Variants in INPP4B observed in about 807,000 individuals in gnomAD.
INPP4B encodes the protein inositol polyphosphate-4-phosphatase type II B, also known as inositol polyphosphate 4-phosphatase type II.
INPP4B carries 55 observed loss-of-function variants against 122.5 expected under a neutral mutation model. That is an observed-to-expected ratio of 0.45 (90% CI 0.36 to 0.56). The LOEUF is 0.56. Ranked by LOEUF, INPP4B falls within the 20% of genes least tolerant of loss-of-function variation. The pLI is 0.00. For synonymous variants in INPP4B, 403 were observed against 388.7 expected (o/e 1.04, Z -0.43); for missense variants, 1,000 against 1,097.7 (o/e 0.91, Z 1.26).
At chr4:142,356,775 G>A (rs1337799187) in intron 7 of INPP4B, among the ~76,000 whole-genome samples, 1 of 151,810 alleles carries the variant, frequency 6.6e-6, no homozygotes. Context: ...CTAATGAGGT[G>A]ACTCTTGGTG....
intron 9 of INPP4B, among the ~76,000 whole-genome samples, chr4:142,299,460 C>T (rs10002445): frequency 0.096 from 14,453 of 151,258 alleles, 714 homozygotes; most frequent in South Asian, 0.17. Flanking sequence ...CGGCCTTGTT[C>T]ACTTTCAAAG....
intron 7 of INPP4B, among the ~76,000 whole-genome samples, chr4:142,397,962 T>G (rs1799898733): frequency 1.3e-5 from 2 of 152,086 alleles, no homozygotes. Context: ...TACCATAACA[T>G]AGCCTAGAAA....
chr4:142,193,815 C>CA (rs1024218010), intron 14 of INPP4B, among the ~76,000 whole-genome samples: 2 of 151,910 alleles, frequency 1.3e-5, no homozygotes, highest in African/African-American at 2.4e-5. Flanking sequence ...GTTTTTATAA[C>CA]AAAAAATCCA....
At chr4:142,086,056 C>T in intron 24 of INPP4B, 88 bp downstream of exon 24, 3 of 855,716 alleles carry the variant, frequency 3.5e-6, no homozygotes, top group Non-Finnish European at 5.8e-6. Flanking sequence ...ACCCAAAGTG[C>T]AGAGGTTGGA....
At chr4:142,563,296 A>T (rs2150128501) in intron 2 of INPP4B, among the ~76,000 whole-genome samples, 1 of 152,322 alleles carries the variant, frequency 6.6e-6, no homozygotes, top group Non-Finnish European at 1.5e-5. Flanking sequence ...TGTTGGCTTC[A>T]TTTTAAGATG....
intron 18 of INPP4B, among the ~76,000 whole-genome samples, chr4:142,126,645 G>C (rs1319281981): frequency 1.3e-5 from 2 of 152,094 alleles, no homozygotes; most frequent in Non-Finnish European, 2.9e-5. Flanking sequence ...ATTAATGCAT[G>C]ATCATTTAAT....
chr4:142,447,228 G>A (rs191994860), intron 3 of INPP4B, among the ~76,000 whole-genome samples: 4 of 152,188 alleles, frequency 2.6e-5, no homozygotes, highest in Admixed American at 2.6e-4. Flanking sequence ...GATTTGTGGG[G>A]GCCTCAGTCT....
intron 2 of INPP4B, among the ~76,000 whole-genome samples, chr4:142,517,939 T>C (rs1825615553): frequency 1.3e-5 from 2 of 152,220 alleles, no homozygotes; most frequent in South Asian, 4.1e-4. Flanking sequence ...GTGAAATGTA[T>C]GTAGAGGTAA....
chr4:142,323,128 C>T (rs1770754135), intron 7 of INPP4B, among the ~76,000 whole-genome samples: 1 of 152,204 alleles, frequency 6.6e-6, no homozygotes, highest in South Asian at 2.1e-4. Flanking sequence ...GGCCCTCAGA[C>T]ATTTTTAGGA....
chr4:142,107,530 GC>G (rs1479400348), intron 23 of INPP4B, among the ~76,000 whole-genome samples: 1 of 152,046 alleles, frequency 6.6e-6, no homozygotes, highest in Non-Finnish European at 1.5e-5. Context: ...TTGGACAATG[GC>G]CCCCTCCAAA....
chr4:142,036,051 C>T (rs1427194797), intron 25 of INPP4B, among the ~76,000 whole-genome samples: 1 of 152,110 alleles, frequency 6.6e-6, no homozygotes, highest in Non-Finnish European at 1.5e-5. Context: ...CCACCCTCCC[C>T]TCCTTCCCTC....
chr4:142,590,126 C>T (rs147577942), intron 2 of INPP4B, among the ~76,000 whole-genome samples: 103 of 152,158 alleles, frequency 6.8e-4, no homozygotes, highest in Middle Eastern at 3.4e-3. Flanking sequence ...AGGACTGAAT[C>T]GGTGAAGCAC....
intron 17 of INPP4B, among the ~76,000 whole-genome samples, chr4:142,151,038 A>G (rs946006057): frequency 3.3e-5 from 5 of 152,200 alleles, no homozygotes; most frequent in African/African-American, 1.2e-4. Flanking sequence ...AGAAACAGTC[A>G]GTGAATTAAC....
intron 21 of INPP4B, 98 bp downstream of exon 21, chr4:142,122,030 A>T: frequency 1.3e-6 from 1 of 752,828 alleles, no homozygotes; most frequent in Non-Finnish European, 2.2e-6. Context: ...CAAAAGAAAT[A>T]TTCCCAAATC....
At chr4:142,080,890 A>T (rs1773578423) in intron 25 of INPP4B, among the ~76,000 whole-genome samples, 1 of 152,144 alleles carries the variant, frequency 6.6e-6, no homozygotes, top group Non-Finnish European at 1.5e-5. Flanking sequence ...GTATTTTACC[A>T]TTAGTGCTGA....
chr4:142,059,322 T>G (rs1165748948), intron 25 of INPP4B, among the ~76,000 whole-genome samples: 1 of 152,114 alleles, frequency 6.6e-6, no homozygotes, highest in Non-Finnish European at 1.5e-5. Flanking sequence ...CCCCTGACAG[T>G]GCCCCATACT....
At chr4:142,838,532 C>T (rs558922844) in intron 1 of INPP4B, among the ~76,000 whole-genome samples, 4 of 151,248 alleles carry the variant, frequency 2.6e-5, no homozygotes, top group Admixed American at 6.6e-5. Flanking sequence ...TAAAACATAC[C>T]GTATGAAAAA....
chr4:142,087,561 A>C lies in INPP4B; in HGVS notation c.2375-1305T>G, dbSNP rs1014394212. 2.6e-5 allele frequency among the ~76,000 whole-genome samples: 4 copies of C among 152,158 alleles called. No individual in the cohort carries two copies. The East Asian group carries it at 7.7e-4, about 29-fold the overall frequency. ...TGTTGAATCCATAAACTGAGAGATA[A>C]ATTCCTGAGAGCTTTAACTGAGGCT... On this transcript the variant is annotated intron_variant, in intron 23 of 25. Coordinates refer to ENST00000262992, the MANE Select transcript of INPP4B (RefSeq NM_001101669.3).
At chr4:142,321,718 G>T (rs1185001888) in intron 7 of INPP4B, among the ~76,000 whole-genome samples, 3 of 151,862 alleles carry the variant, frequency 2.0e-5, no homozygotes, top group Non-Finnish European at 4.4e-5. Flanking sequence ...CCCTACTTTT[G>T]CCTGCTTTGT....
Sources: gnomAD v4.1 joint callset for allele counts (sites outside exome capture counted in the v4.1 genomes callset) on GRCh38, gnomAD v4.1.1 for gene constraint, MANE v1.5 for transcripts, NCBI Gene and HGNC (gene_info 2026-07-23, HGNC 2026-07-21) for gene names.